The following TMEM45A variants were observed in gnomAD, a reference collection of about 807,000 sequenced individuals.
TMEM45A encodes transmembrane protein 45A, also known as DNA polymerase-transactivated protein 4.
TMEM45A carries 25 observed loss-of-function variants against 32.0 expected under a neutral mutation model. That is an observed-to-expected ratio of 0.78 (90% CI 0.57 to 1.09). The LOEUF (loss-of-function observed/expected upper bound fraction) is 1.09, where lower values mean the gene tolerates loss of function less well. Ranked by LOEUF, TMEM45A falls within the 50% of genes least tolerant of loss-of-function variation. The pLI is 0.00. For synonymous variants in TMEM45A, 122 were observed against 114.8 expected, an observed-to-expected ratio of 1.06 and a Z score of -0.40; for missense variants, 302 against 325.0, an observed-to-expected ratio of 0.93 and a Z score of 0.54.
At chr3:100,575,820 G>C (rs958893331) in intron 5 of TMEM45A, among the ~76,000 whole-genome samples, 1 of 152,260 alleles carries the variant, frequency 6.6e-6, no homozygotes, top group East Asian at 1.9e-4. Flanking sequence ...GCAGGAAGTA[G>C]GGGCTGAATT....
intron 5 of TMEM45A, chr3:100,574,089 G>T (rs1706631282): frequency 6.6e-6 from 1 of 152,128 alleles, no homozygotes; most frequent in Admixed American, 6.5e-5. Context: ...GCCAGCCTTT[G>T]GTATCAGGAT....
chr3:100,540,874 T>C (rs1409946134), intron 1 of TMEM45A, among the ~76,000 whole-genome samples: 2 of 152,218 alleles, frequency 1.3e-5, no homozygotes. Flanking sequence ...GGTCAAATGT[T>C]AGTTCTAAGT....
chr3:100,539,432 GATATGT>G (rs61585906), intron 1 of TMEM45A, among the ~76,000 whole-genome samples: 2,352 of 82,808 alleles, frequency 0.028, 78 homozygotes, highest in East Asian at 0.032. Flanking sequence ...AACCCAATAG[GATATGT>G]ATATGTATAT....
intron 4 of TMEM45A, among the ~76,000 whole-genome samples, chr3:100,562,065 G>A (rs1395036158): frequency 3.3e-5 from 5 of 152,252 alleles, no homozygotes; most frequent in African/African-American, 7.2e-5. Context: ...TTCAGACTTC[G>A]TTATAGGAAA....
intron 1 of TMEM45A, among the ~76,000 whole-genome samples, chr3:100,550,283 T>C (rs1706069410): frequency 6.6e-6 from 1 of 151,882 alleles, no homozygotes; most frequent in African/African-American, 2.4e-5. Flanking sequence ...GTAAGGATAC[T>C]TTAAGAAGAC....
intron 1 of TMEM45A, among the ~76,000 whole-genome samples, chr3:100,548,552 C>T (rs1706027223): frequency 2.6e-5 from 4 of 152,184 alleles, no homozygotes; most frequent in Admixed American, 2.6e-4. Context: ...TCCTCCTCTA[C>T]AGCACTACTT....
Position 100,577,092 on chromosome 3 carries a change from T to G in TMEM45A, c.*74T>G. ...TGTTCTTGGTTTTGTTTCTCGATCT[T>G]TTGTTTGGAGAACAGCTGGCTAAGG... On this transcript the variant is annotated 3_prime_UTR_variant, in exon 6 of 6. Coordinates refer to ENST00000323523, the MANE Select transcript of TMEM45A (RefSeq NM_018004.3). The G allele has an allele frequency of 7.7e-7, 1 of 1,296,128 alleles. No homozygotes were observed. The highest frequency in any genetic ancestry group is 2.3e-5 in the East Asian group (1 of 42,644). The allele number at this position is 1,296,128 out of a possible 1,614,324, so 80.3% of individuals were successfully genotyped here. A position where few individuals can be genotyped will look rare whatever the true frequency, so the allele number is the denominator to read the frequency against.
intron 1 of TMEM45A, among the ~76,000 whole-genome samples, chr3:100,532,542 G>A (rs1322154813): frequency 6.6e-6 from 1 of 152,198 alleles, no homozygotes; most frequent in East Asian, 1.9e-4. Flanking sequence ...CAACTGCTTT[G>A]TCTTTATGCC....
intron 1 of TMEM45A, among the ~76,000 whole-genome samples, chr3:100,498,095 T>A (rs1014308797): frequency 1.3e-5 from 2 of 152,184 alleles, no homozygotes; most frequent in Non-Finnish European, 2.9e-5. Context: ...TCATGAGACC[T>A]GATGGTTTTA....
chr3:100,518,276 C>T lies in TMEM45A; in HGVS notation c.-4+25348C>T, dbSNP rs186608820. ...AGAAATTAGAATCAAGGGCCCATTT[C>T]CTCACTTTCTTCCAAGTTTCTGTAT... On this transcript the variant is annotated intron_variant, in intron 1 of 5. Transcript: ENST00000323523. Among the ~76,000 whole-genome samples, 114 of 152,324 alleles carry T rather than the reference C, an allele frequency of 7.5e-4. 1 individual carries two copies. The highest frequency in any genetic ancestry group is 1.5e-3 in the Non-Finnish European group (103 of 68,024).
rs1706497828 is a variant in TMEM45A, at chr3:100,568,859, C to T, written c.626C>T (p.Ala209Val). 1.2e-6 allele frequency: 2 copies of T among 1,613,402 alleles called. No homozygotes were observed. The highest frequency in any genetic ancestry group is 1.7e-5 in the Admixed American group (1 of 59,998). ...CTGTATCCCCCCAGTGGAGGTCCTG[C>T]ATGGGATCTGATGGATCATGAAAAT... ...FVLYPPSGGP[A>V]WDLMDHENIL... The change falls in exon 5 of 6, where the codon GCA becomes GTA. Residue 209 changes from alanine (A) to valine (V), a missense_variant. Transcript: ENST00000323523.
In TMEM45A at chr3:100,559,205, C is replaced by A. The variant is rs776894334; in HGVS notation, c.588+616C>A. 4.5e-4 allele frequency among the ~76,000 whole-genome samples: 68 copies of A among 152,198 alleles called. 2 individuals carry two copies. Among genetic ancestry groups the A allele is most frequent in the Admixed American group, 1.3e-4 (2 of 15,284 alleles). On this transcript the variant is annotated intron_variant, in intron 4 of 5. Transcript: ENST00000323523. The stretch of plus-strand genomic sequence containing the variant: ...AAACATGAATTCCAATCAGTAAACA[C>A]ACACTTTATAGAGACTGATGAATCA...
chr3:100,555,089 A>G (rs1004429657), intron 1 of TMEM45A, 120 bp from the exon 2 acceptor site: 55 of 859,934 alleles, frequency 6.4e-5, no homozygotes, highest in Admixed American at 7.5e-5. Flanking sequence ...CCTCAGAATC[A>G]TCCTCAGTGA....
intron 1 of TMEM45A, among the ~76,000 whole-genome samples, chr3:100,527,888 G>A (rs773013943): frequency 1.2e-4 from 18 of 152,162 alleles, no homozygotes; most frequent in Non-Finnish European, 2.4e-4. Context: ...TCACAACCAA[G>A]ACAACTCAGG....
At chr3:100,563,933 C>T (rs935429671) in intron 4 of TMEM45A, among the ~76,000 whole-genome samples, 6 of 152,212 alleles carry the variant, frequency 3.9e-5, no homozygotes, top group Non-Finnish European at 7.3e-5. Flanking sequence ...ACTGATGTAT[C>T]TTCTTCCACA....
intron 1 of TMEM45A, among the ~76,000 whole-genome samples, chr3:100,543,053 T>C (rs1254608999): frequency 6.6e-6 from 1 of 152,128 alleles, no homozygotes; most frequent in Non-Finnish European, 1.5e-5. Flanking sequence ...AAAATAAAAA[T>C]GGAAAAATAA....
intron 5 of TMEM45A, chr3:100,573,590 T>A (rs1292634204): frequency 6.6e-6 from 1 of 152,154 alleles, no homozygotes; most frequent in African/African-American, 2.4e-5. Flanking sequence ...GAATACCCTT[T>A]ATTTCCTTCT....
At chr3:100,533,783 A>G (rs551333220) in intron 1 of TMEM45A, among the ~76,000 whole-genome samples, 1 of 152,266 alleles carries the variant, frequency 6.6e-6, no homozygotes, top group South Asian at 2.1e-4. Flanking sequence ...CTTTACTTGT[A>G]TTATGTCTGC....
At chr3:100,538,300 G>A (rs1251611157) in intron 1 of TMEM45A, among the ~76,000 whole-genome samples, 1 of 152,152 alleles carries the variant, frequency 6.6e-6, no homozygotes, top group African/African-American at 2.4e-5. Context: ...GGCATTCAGG[G>A]TCTTCTATTA....
Sources: gnomAD v4.1 joint callset for allele counts (sites outside exome capture counted in the v4.1 genomes callset) on GRCh38, gnomAD v4.1.1 for gene constraint, MANE v1.5 for transcripts, NCBI Gene and HGNC (gene_info 2026-07-23, HGNC 2026-07-21) for gene names.